The following FNBP4 variants were observed in gnomAD, a reference collection of about 807,000 sequenced individuals.
FNBP4 encodes formin-binding protein 4.
A neutral mutation model predicts 119.3 loss-of-function variants in FNBP4; 34 were observed. The observed-to-expected ratio is 0.28, with a 90% CI of 0.22 to 0.38. The LOEUF (loss-of-function observed/expected upper bound fraction) is 0.38, where lower values mean the gene tolerates loss of function less well. Ranked by LOEUF, FNBP4 falls within the 10% of genes least tolerant of loss-of-function variation. FNBP4 has a pLI of 1.00. For synonymous variants in FNBP4, 462 were observed against 430.6 expected, an observed-to-expected ratio of 1.07 and a Z score of -0.90; for missense variants, 1,112 against 1,228.9, an observed-to-expected ratio of 0.90 and a Z score of 1.42.
At chr11:47,725,928 A>G (rs1378005198) in intron 12 of FNBP4, 1 of 292,828 alleles carries the variant, frequency 3.4e-6, no homozygotes, top group African/African-American at 2.3e-5. Context: ...GGCAGGAACT[A>G]ACTTGCCCAA....
At chr11:47,754,710 T>A (rs779676084) in intron 2 of FNBP4, 46 bp from the exon 3 acceptor site, 1 of 1,594,592 alleles carries the variant, frequency 6.3e-7, no homozygotes, top group East Asian at 2.2e-5. Context: ...AATGTCAATA[T>A]GTCCTAAGAA....
In FNBP4 at chr11:47,732,546, T is replaced by C. The variant is rs2097568660; in HGVS notation, c.1811A>G (p.His604Arg). 6 of 1,614,204 alleles carry C rather than the reference T, an allele frequency of 3.7e-6. No individual in the cohort carries two copies. The highest frequency in any genetic ancestry group is 5.1e-6 in the Non-Finnish European group (6 of 1,180,036). The change falls in exon 11 of 17, where the codon CAC becomes CGC. Residue 604 changes from histidine (H) to arginine (R), a missense_variant. Physicochemically the swap from His to Arg is conservative, Grantham distance 29. Coordinates refer to ENST00000263773, the MANE Select transcript of FNBP4 (RefSeq NM_015308.5). The surrounding 1 kb of genome is among the most constrained non-coding windows in gnomAD (Gnocchi z 4.2). The part of the protein sequence containing the change: ...INATPKGWSC[H>R]WDRDHRRYFY... ...GGAGAAGAGTGCGTACCTGTCCCAG[T>C]GGCAGGACCAGCCTTTAGGAGTGGC...
chr11:47,721,144 AC>A (rs1173039629), intron 15 of FNBP4, among the ~76,000 whole-genome samples: 3 of 151,380 alleles, frequency 2.0e-5, no homozygotes, highest in Admixed American at 6.6e-5. Context: ...ACACGGTGAA[AC>A]CCCGTCTCTA....
At chr11:47,757,677 A>G (rs2097622466) in intron 2 of FNBP4, among the ~76,000 whole-genome samples, 1 of 150,636 alleles carries the variant, frequency 6.6e-6, no homozygotes, top group Non-Finnish European at 1.5e-5. Flanking sequence ...CATTTTTAGT[A>G]GAGATGGGGT....
intron 16 of FNBP4, among the ~76,000 whole-genome samples, 158 bp downstream of exon 16, chr11:47,719,771 A>G (rs1232975994): frequency 6.6e-6 from 1 of 152,186 alleles, no homozygotes; most frequent in Non-Finnish European, 1.5e-5. Context: ...GGAATTAAAC[A>G]TGTTTATAAA....
At chr11:47,731,622 T>C in intron 11 of FNBP4, 61 bp from the exon 12 acceptor site, 2 of 1,548,270 alleles carry the variant, frequency 1.3e-6, no homozygotes, top group Non-Finnish European at 1.7e-6. Context: ...GACACTTCCA[T>C]TTGGTCCTGT....
At position 47,732,619 on chromosome 11, in the gene FNBP4, G is replaced by A; in HGVS notation, c.1738C>T (p.Arg580Ter). 2 of 1,614,094 alleles carry A rather than the reference G, an allele frequency of 1.2e-6. No homozygotes were observed. Among genetic ancestry groups the A allele is most frequent in the Non-Finnish European group, 1.7e-6 (2 of 1,180,016 alleles). ...TGTTCTGCTGCATCCTGAAGTTTTC[G>A]TTTAAGGTAGTTTCCATTAAGAGCC... ...EGALNGNYLK[R>*]KLQDAAEQLK... Residue 580 changes from arginine to a stop codon, truncating the protein, a stop_gained, in exon 11 of 17, where the codon CGA becomes TGA. Transcript: ENST00000263773. LOFTEE classifies it high-confidence loss of function. The surrounding 1 kb of genome is among the most constrained non-coding windows in gnomAD (Gnocchi z 4.2).
rs773276798 is a variant in FNBP4 at position 47,767,283 on chromosome 11, C to T, written c.6G>A (p.Gly2=). Reference sequence around the variant, plus strand: ...GGCCGGGTACCGCCCGGGACTTCTTCCCCATCGCGAGCCCAAGCGCGAGCA... The same window carrying T: ...GGCCGGGTACCGCCCGGGACTTCTTTCCCATCGCGAGCCCAAGCGCGAGCA... M[G]KKSRAVPGRR... The change falls in exon 1 of 17, where the codon GGG becomes GGA. Residue 2 remains glycine (G), a synonymous_variant. Transcript: ENST00000263773. 64 of 1,521,300 alleles carry T rather than the reference C, an allele frequency of 4.2e-5. No individual in the cohort carries two copies. The Admixed American group carries it at 1.3e-3, about 30-fold the overall frequency. The allele number at this position is 1,521,300 out of a possible 1,614,324, so 94.2% of individuals were successfully genotyped here.
intron 2 of FNBP4, among the ~76,000 whole-genome samples, chr11:47,760,259 AT>A (rs199885568): frequency 0.057 from 7,264 of 127,880 alleles, 311 homozygotes; most frequent in African/African-American, 0.17. Context: ...TTGATCAAAC[AT>A]TTTTTTTTTT....
At chr11:47,766,807 G>A (rs1234904894) in intron 1 of FNBP4, among the ~76,000 whole-genome samples, 2 of 152,168 alleles carry the variant, frequency 1.3e-5, no homozygotes, top group African/African-American at 2.4e-5. Flanking sequence ...CAGGATGCCC[G>A]AACTTCGGTC....
intron 12 of FNBP4, among the ~76,000 whole-genome samples, chr11:47,730,780 A>G (rs912364080): frequency 2.0e-5 from 3 of 152,224 alleles, no homozygotes; most frequent in African/African-American, 4.8e-5. Flanking sequence ...TAACTAAACT[A>G]AATTCTTCCA....
intron 10 of FNBP4, 86 bp downstream of exon 10, chr11:47,733,939 G>A (rs952708086): frequency 3.4e-6 from 2 of 591,396 alleles, no homozygotes; most frequent in Non-Finnish European, 5.4e-6. Flanking sequence ...GGCTTAAAAT[G>A]TAAGCAAGAC....
intron 8 of FNBP4, among the ~76,000 whole-genome samples, chr11:47,741,944 A>G (rs2097582733): frequency 6.6e-6 from 1 of 152,254 alleles, no homozygotes; most frequent in Non-Finnish European, 1.5e-5. Context: ...ACATGGACAC[A>G]ATTTAAATGT....
Position 47,717,310 on chromosome 11 carries a change from T to G in FNBP4, c.*112A>C, listed in dbSNP as rs1011387484. 2 of 706,516 alleles carry G rather than the reference T, an allele frequency of 2.8e-6. No homozygotes were observed. The highest frequency in any genetic ancestry group is 2.3e-6 in the Non-Finnish European group (1 of 433,140). The allele number at this position is 706,516 out of a possible 1,614,324, so 43.8% of individuals were successfully genotyped here. A position where few individuals can be genotyped will look rare whatever the true frequency, so the allele number is the denominator to read the frequency against. The stretch of plus-strand genomic sequence containing the variant: ...ATGCATACACTCTTGCCCAGGAAAT[T>G]TATAAGATCTCCCCCATAACATTTA... On this transcript the variant is annotated 3_prime_UTR_variant, in exon 17 of 17. Coordinates refer to ENST00000263773, the MANE Select transcript of FNBP4 (RefSeq NM_015308.5).
intron 15 of FNBP4, among the ~76,000 whole-genome samples, chr11:47,720,372 T>C (rs865903437): frequency 3.3e-5 from 5 of 151,914 alleles, no homozygotes; most frequent in African/African-American, 1.2e-4. Flanking sequence ...ATCGAGACCA[T>C]CCTGGCTAAC....
At chr11:47,755,970 C>G (rs2097616889) in intron 2 of FNBP4, among the ~76,000 whole-genome samples, 1 of 152,106 alleles carries the variant, frequency 6.6e-6, no homozygotes, top group Non-Finnish European at 1.5e-5. Context: ...AGTGTAGCAG[C>G]TGAAACAAAG....
intron 7 of FNBP4, among the ~76,000 whole-genome samples, chr11:47,744,835 G>A (rs377391402): frequency 6.6e-6 from 1 of 151,898 alleles, no homozygotes. Flanking sequence ...ATTCTTTCTG[G>A]TTTTTTTCTG....
intron 1 of FNBP4, 54 bp downstream of exon 1, chr11:47,767,015 G>A (rs1215155528): frequency 2.0e-6 from 3 of 1,495,452 alleles, no homozygotes; most frequent in African/African-American, 1.5e-5. Flanking sequence ...GCGCCGTGAG[G>A]AGCCTAGGCC....
Position 47,767,143 on chromosome 11 carries a change from G to A in FNBP4, c.146C>T (p.Pro49Leu). The change falls in exon 1 of 17, where the codon CCC becomes CTC. Residue 49 changes from proline to leucine, a missense_variant. Physicochemically the swap from Pro to Leu is moderately conservative, Grantham distance 98. Transcript: ENST00000263773. ...GGTGGTCGTCGCCGCCGACGGGGCG[G>A]GCTGGCTGGGGACCGCCGCGGTTGA... ...PDSTAAVPSQ[P>L]APSAATTTTT... The A allele has an allele frequency of 6.5e-7, 1 of 1,544,332 alleles. No homozygotes were observed. Among genetic ancestry groups the A allele is most frequent in the Non-Finnish European group, 8.7e-7 (1 of 1,150,312 alleles).
Sources: allele counts gnomAD v4.1 joint callset (sites outside exome capture counted in the v4.1 genomes callset), GRCh38; gene constraint gnomAD v4.1.1; non-coding constraint Gnocchi (gnomAD v3.1); transcripts MANE v1.5; gene names NCBI Gene and HGNC (gene_info 2026-07-23, HGNC 2026-07-21).